TRPM3: variants seen among roughly 807,000 people sequenced by gnomAD.
The protein encoded by TRPM3 is long transient receptor potential channel 3.
In TRPM3, 77 loss-of-function variants were observed where a neutral mutation model predicts 181.2. The observed-to-expected ratio is 0.42, with a 90% CI of 0.35 to 0.51. The LOEUF (loss-of-function observed/expected upper bound fraction) is 0.51, where lower values mean the gene tolerates loss of function less well. TRPM3 is among the 20% of genes least tolerant of loss of function. The pLI is 0.01. For missense variants in TRPM3, 1,759 were observed against 2,196.7 expected, an observed-to-expected ratio of 0.80 and a Z score of 3.98; for synonymous variants, 745 against 796.4, an observed-to-expected ratio of 0.94 and a Z score of 1.09.
At chr9:70,978,879 T>G (rs2097334183) in intron 1 of TRPM3, among the ~76,000 whole-genome samples, 1 of 152,102 alleles carries the variant, frequency 6.6e-6, no homozygotes, top group Non-Finnish European at 1.5e-5. Flanking sequence ...GCAAAATCAC[T>G]TCAAACTATT....
intron 1 of TRPM3, among the ~76,000 whole-genome samples, chr9:71,231,267 A>C (rs149997854): frequency 8.5e-5 from 13 of 152,340 alleles, no homozygotes; most frequent in Admixed American, 5.9e-4. Context: ...AGAGTCTTAT[A>C]AGAACTGCCT....
chr9:71,292,641 A>T (rs933761072), intron 1 of TRPM3, among the ~76,000 whole-genome samples: 1 of 152,122 alleles, frequency 6.6e-6, no homozygotes, highest in East Asian at 1.9e-4. Flanking sequence ...TTTTTAAAAA[A>T]ATAAGTTAGC....
intron 22 of TRPM3, among the ~76,000 whole-genome samples, chr9:70,574,356 C>A (rs920959213): frequency 1.3e-5 from 2 of 152,148 alleles, no homozygotes; most frequent in Non-Finnish European, 2.9e-5. Context: ...AGTACCCTCC[C>A]CTCTGTCTCA....
chr9:70,840,721 T>A (rs938654234), intron 5 of TRPM3, among the ~76,000 whole-genome samples: 3 of 152,136 alleles, frequency 2.0e-5, no homozygotes, highest in Non-Finnish European at 4.4e-5. Context: ...AACAGATAAG[T>A]AAATGTAATA....
intron 1 of TRPM3, among the ~76,000 whole-genome samples, chr9:71,266,664 T>C (rs1390921066): frequency 6.6e-6 from 1 of 152,198 alleles, no homozygotes; most frequent in Non-Finnish European, 1.5e-5. Context: ...TGCATGTGTA[T>C]AATACAGTAT....
chr9:71,099,296 C>G (rs545519217), intron 1 of TRPM3, among the ~76,000 whole-genome samples: 1 of 152,214 alleles, frequency 6.6e-6, no homozygotes, highest in South Asian at 2.1e-4. Flanking sequence ...CAGGAGGGCT[C>G]TTTCTTTATG....
At chr9:71,173,867 G>A (rs1363797033) in intron 1 of TRPM3, among the ~76,000 whole-genome samples, 1 of 152,118 alleles carries the variant, frequency 6.6e-6, no homozygotes, top group Non-Finnish European at 1.5e-5. Flanking sequence ...CTTGTTAAAG[G>A]ACAATGAATT....
rs150356193 is a variant in TRPM3 at position 71,421,550 on chromosome 9, A to G, written c.183+25103T>C. Reference sequence around the variant, plus strand: ...ATCAGAGGAATCCACACAACAAACCATACCAACTAGCCTTTATCTACCTAC... The same window carrying G: ...ATCAGAGGAATCCACACAACAAACCGTACCAACTAGCCTTTATCTACCTAC... On this transcript the variant is annotated intron_variant, in intron 1 of 24. Transcript: ENST00000357533. Among the ~76,000 whole-genome samples the G allele has an allele frequency of 2.2e-3, 338 of 152,000 alleles. 1 individual carries two copies. The highest frequency in any genetic ancestry group is 7.9e-3 in the African/African-American group (326 of 41,490).
intron 6 of TRPM3, among the ~76,000 whole-genome samples, chr9:70,819,642 A>G (rs973177881): frequency 6.6e-6 from 1 of 152,236 alleles, no homozygotes; most frequent in Non-Finnish European, 1.5e-5. Context: ...CAGACACTCC[A>G]TCAATTAATA....
At chr9:71,058,839 A>G (rs1300319484) in intron 1 of TRPM3, among the ~76,000 whole-genome samples, 1 of 151,892 alleles carries the variant, frequency 6.6e-6, no homozygotes, top group Admixed American at 6.6e-5. Context: ...ACACCATGGT[A>G]GTCACTCAGA....
chr9:70,640,457 A>G, intron 10 of TRPM3, 103 bp downstream of exon 10: 1 of 852,032 alleles, frequency 1.2e-6, no homozygotes, highest in South Asian at 1.8e-5. Flanking sequence ...ATTCCATCTT[A>G]AAGAAAAAGC....
rs2058931832 is a variant in TRPM3, at chr9:70,595,875, GGTTCCGT to G, written c.3048+2537_3048+2543del. On this transcript the variant is annotated intron_variant, in intron 21 of 25. Transcript: ENST00000677713. ...GTCAAAAAATCCCCAATTGAACTGG[GGTTCCGT>G]TTTGGGTAAGTAACTCAAGCTCATG... 2.6e-5 allele frequency among the ~76,000 whole-genome samples: 4 copies of G among 152,196 alleles called. No individual in the cohort carries two copies. The South Asian group carries it at 8.3e-4, about 32-fold the overall frequency.
At chr9:70,952,674 G>C (rs1398892846) in intron 1 of TRPM3, among the ~76,000 whole-genome samples, 1 of 152,170 alleles carries the variant, frequency 6.6e-6, no homozygotes, top group Non-Finnish European at 1.5e-5. Flanking sequence ...AAGTTTGACA[G>C]ACGGATTAAC....
intron 6 of TRPM3, 72 bp downstream of exon 6, chr9:70,827,775 T>C (rs2093642556): frequency 6.6e-7 from 1 of 1,522,952 alleles, no homozygotes; most frequent in Non-Finnish European, 9.0e-7. Context: ...CATTGCTGCA[T>C]GGTGTACTTA....
rs1306353368 is a variant in TRPM3 at position 71,428,907 on chromosome 9, G to A, written c.183+17746C>T. ...AAAGCAAGAACTTCATGATTGCACC[G>A]CACTCCAACCTGGGCAACAAAGTGG... On this transcript the variant is annotated intron_variant, in intron 1 of 24. Coordinates refer to the TRPM3 transcript ENST00000357533. Among the ~76,000 whole-genome samples, 6 of 142,598 alleles carry A rather than the reference G, an allele frequency of 4.2e-5. No homozygotes were observed. The East Asian group carries it at 6.2e-4, about 15-fold the overall frequency. The allele number at this position is 142,598 out of a possible 152,430, so 93.5% of individuals were successfully genotyped here.
chr9:71,298,512 T>G (rs1003477385), intron 1 of TRPM3, among the ~76,000 whole-genome samples: 2 of 151,928 alleles, frequency 1.3e-5, no homozygotes, highest in African/African-American at 4.8e-5. Context: ...AAATTTATGG[T>G]TTTATACATT....
chr9:71,144,309 T>C (rs1182955143), intron 1 of TRPM3, among the ~76,000 whole-genome samples: 2 of 152,182 alleles, frequency 1.3e-5, no homozygotes, highest in African/African-American at 4.8e-5. Context: ...TACCCAATAT[T>C]GGCATACTCA....
intron 19 of TRPM3, 99 bp downstream of exon 19, chr9:70,610,510 G>T: frequency 7.1e-7 from 1 of 1,414,284 alleles, no homozygotes. Flanking sequence ...CCTGTGTGTG[G>T]CACTTACGAC....
rs80189387 is a variant in TRPM3, at chr9:71,076,400, C to T, written c.177+44778G>A. Among the ~76,000 whole-genome samples the T allele has an allele frequency of 8.3e-3, 1,258 of 152,242 alleles. 13 individuals carry two copies. The highest frequency in any genetic ancestry group is 0.029 in the African/African-American group (1,186 of 41,540). ...ACTGCCATCCCTAGGAAGAGAAAAG[C>T]TTTCCTCTGCTCTTGGGTTCCTGGA... On this transcript the variant is annotated intron_variant, in intron 1 of 25. Transcript: ENST00000677713.
Sources: gnomAD v4.1 joint callset for allele counts (sites outside exome capture counted in the v4.1 genomes callset) on GRCh38, gnomAD v4.1.1 for gene constraint, MANE v1.5 for transcripts, NCBI Gene and HGNC (gene_info 2026-07-23, HGNC 2026-07-21) for gene names.